Variants in ARV1 observed in about 807,000 individuals in gnomAD.
ARV1 encodes ARV1 fatty acid homeostasis modulator, also known as protein ARV1.
Under a neutral mutation model 31.1 loss-of-function variants are expected in ARV1, and 26 were observed. The observed-to-expected ratio is 0.84, with a 90% CI of 0.61 to 1.16. ARV1 has a LOEUF of 1.16. Among genes scored for constraint, ARV1 ranks in the 50% most tolerant of loss-of-function variants. The pLI, the probability that ARV1 is intolerant of heterozygous loss-of-function variation, is 0.00. For missense variants in ARV1, 281 were observed against 324.9 expected, an observed-to-expected ratio of 0.86 and a Z score of 1.04; for synonymous variants, 117 against 123.2, an observed-to-expected ratio of 0.95 and a Z score of 0.34.
At position 230,995,648 on chromosome 1, in the gene ARV1, T is replaced by G. The variant is rs1203433561; in HGVS notation, c.449-112T>G. 9.3e-6 allele frequency: 7 copies of G among 751,052 alleles called. No individual in the cohort carries two copies. The East Asian group carries it at 2.0e-4, about 21-fold the overall frequency. 46.5% of individuals were successfully genotyped at this position (751,052 alleles called of 1,614,324 possible). On this transcript the variant is annotated intron_variant, in intron 3 of 5. Transcript: ENST00000310256. ...AGAGATTGTGATCTTGAGAAAGTATTTCTTATGAAGTCAGCTGATAAGCTG... is the reference window on the plus strand; with the variant it reads ...AGAGATTGTGATCTTGAGAAAGTATGTCTTATGAAGTCAGCTGATAAGCTG...
chr1:230,989,524 T>C (rs1317732437), intron 2 of ARV1, among the ~76,000 whole-genome samples: 1 of 152,220 alleles, frequency 6.6e-6, no homozygotes, highest in Non-Finnish European at 1.5e-5. Flanking sequence ...GTATTTTTTA[T>C]TTTAGCCAAA....
intron 1 of ARV1, chr1:230,979,539 A>G: frequency 2.2e-6 from 1 of 451,722 alleles, no homozygotes; most frequent in South Asian, 2.8e-5. Context: ...GGCATTTTGC[A>G]GAGAAATTTA....
chr1:230,986,770 C>T (rs1297243857), intron 1 of ARV1, among the ~76,000 whole-genome samples: 1 of 136,970 alleles, frequency 7.3e-6, no homozygotes, highest in Non-Finnish European at 1.5e-5. Flanking sequence ...CTTCTGGCTT[C>T]AAGCGATCCT....
At chr1:230,979,999 C>T (rs998884480) in intron 1 of ARV1, among the ~76,000 whole-genome samples, 1 of 152,168 alleles carries the variant, frequency 6.6e-6, no homozygotes, top group Admixed American at 6.5e-5. Context: ...ACAGAATAGA[C>T]AGTACATTTT....
intron 1 of ARV1, among the ~76,000 whole-genome samples, chr1:230,980,037 T>C (rs1226229988): frequency 6.6e-6 from 1 of 152,232 alleles, no homozygotes; most frequent in East Asian, 1.9e-4. Flanking sequence ...TGTGATTTTC[T>C]AATCTCTTTA....
At position 230,997,918 on chromosome 1, in the gene ARV1, T is replaced by G. The variant is rs116044901; in HGVS notation, c.*4+651T>G. Among the ~76,000 whole-genome samples, 752 of 152,306 alleles carry G rather than the reference T, an allele frequency of 4.9e-3. 6 individuals are homozygous for G. Among genetic ancestry groups the G allele is most frequent in the African/African-American group, 0.017 (705 of 41,574 alleles). On this transcript the variant is annotated intron_variant, in intron 5 of 5. Coordinates refer to ENST00000310256, the MANE Select transcript of ARV1 (RefSeq NM_022786.3). ...CTGCTCCTGTGCCTTCATAGTCACC[T>G]CCAGTGACCCTCCCATCAGAGGGCC...
chr1:230,988,248 C>T, intron 1 of ARV1, 72 bp from the exon 2 acceptor site: 1 of 1,374,944 alleles, frequency 7.3e-7, no homozygotes, highest in Non-Finnish European at 1.0e-6. Context: ...ATAGACTCTG[C>T]TGTTTTGAAA....
intron 3 of ARV1, 140 bp downstream of exon 3, chr1:230,990,403 A>G (rs1356112207): frequency 2.7e-6 from 3 of 1,101,584 alleles, no homozygotes; most frequent in Middle Eastern, 2.7e-4. Flanking sequence ...CAGCTCTACC[A>G]CTACTAACCT....
At chr1:230,997,780 C>T (rs1337168704) in intron 5 of ARV1, among the ~76,000 whole-genome samples, 3 of 152,150 alleles carry the variant, frequency 2.0e-5, no homozygotes, top group Non-Finnish European at 2.9e-5. Context: ...TTCCATCATA[C>T]GTGCTTTGCT....
At chr1:230,985,240 A>G (rs989028897) in intron 1 of ARV1, among the ~76,000 whole-genome samples, 1 of 152,254 alleles carries the variant, frequency 6.6e-6, no homozygotes, top group African/African-American at 2.4e-5. Flanking sequence ...TGGGCAAAGC[A>G]CACAGCATAT....
At chr1:230,995,349 C>A (rs1679330390) in intron 3 of ARV1, among the ~76,000 whole-genome samples, 2 of 152,128 alleles carry the variant, frequency 1.3e-5, no homozygotes, top group African/African-American at 2.4e-5. Context: ...AAATGTCTTC[C>A]TGTGTTATCC....
At chr1:230,988,150 C>G (rs1572338299) in intron 1 of ARV1, among the ~76,000 whole-genome samples, 170 bp from the exon 2 acceptor site, 1 of 152,008 alleles carries the variant, frequency 6.6e-6, no homozygotes, top group African/African-American at 2.4e-5. Context: ...TTTCTGAAAC[C>G]CTTTCTTATA....
rs1679353069 is a variant in ARV1 at position 230,995,985 on chromosome 1, G to A, written c.673+1G>A. 1 of 1,609,286 alleles carries A rather than the reference G, an allele frequency of 6.2e-7. No individual in the cohort carries two copies. Among genetic ancestry groups the A allele is most frequent in the Non-Finnish European group, 8.5e-7 (1 of 1,176,624 alleles). Reference sequence around the variant, plus strand: ...ACATCAAATTTTCAGGCAATTAGAGGTATGTTTATGTGTTTATTCTGCCTT... The same window carrying A: ...ACATCAAATTTTCAGGCAATTAGAGATATGTTTATGTGTTTATTCTGCCTT... On this transcript the variant is annotated splice_donor_variant, in intron 4 of 5. Transcript: ENST00000310256. LOFTEE classifies it high-confidence loss of function.
At chr1:230,985,212 G>A (rs946501141) in intron 1 of ARV1, among the ~76,000 whole-genome samples, 12 of 152,192 alleles carry the variant, frequency 7.9e-5, no homozygotes, top group Non-Finnish European at 1.3e-4. Flanking sequence ...AAAACATGCC[G>A]AATGCTAAGA....
chr1:230,980,394 T>TG (rs1331440127), intron 1 of ARV1, among the ~76,000 whole-genome samples: 4 of 152,058 alleles, frequency 2.6e-5, no homozygotes, highest in African/African-American at 7.2e-5. Context: ...TGGAGTGCAG[T>TG]GGGGCACTCT....
chr1:230,998,875 C>T (rs776804912), intron 5 of ARV1, among the ~76,000 whole-genome samples: 2 of 152,170 alleles, frequency 1.3e-5, no homozygotes, highest in Non-Finnish European at 2.9e-5. Context: ...TGTGCCACTG[C>T]ACTCCAGCCT....
At chr1:230,986,667 TA>T (rs570548489) in intron 1 of ARV1, among the ~76,000 whole-genome samples, 179 of 46,210 alleles carry the variant, frequency 3.9e-3, no homozygotes, top group Non-Finnish European at 5.2e-3. Context: ...ATACTTTTCC[TA>T]TTTTTTTTTT....
At chr1:230,981,063 T>C (rs1341344260) in intron 1 of ARV1, among the ~76,000 whole-genome samples, 1 of 152,192 alleles carries the variant, frequency 6.6e-6, no homozygotes, top group Non-Finnish European at 1.5e-5. Flanking sequence ...CTGTGTGCGC[T>C]TCCCAGGATT....
At chr1:230,997,897 T>C (rs1679415838) in intron 5 of ARV1, among the ~76,000 whole-genome samples, 1 of 152,140 alleles carries the variant, frequency 6.6e-6, no homozygotes, top group African/African-American at 2.4e-5. Flanking sequence ...GTCATGCTGC[T>C]CCTGTGCCTT....
Sources: allele counts gnomAD v4.1 joint callset (sites outside exome capture counted in the v4.1 genomes callset), GRCh38; gene constraint gnomAD v4.1.1; transcripts MANE v1.5; gene names NCBI Gene and HGNC (gene_info 2026-07-23, HGNC 2026-07-21).